The following UGT1A10 variants were observed in gnomAD, a reference collection of about 807,000 sequenced individuals.
UGT1A10 encodes the protein UDP-glucuronosyltransferase 1A10.
Under a neutral mutation model 45.8 loss-of-function variants are expected in UGT1A10, and 49 were observed. The ratio of observed to expected loss-of-function variants is 1.07; its 90% CI spans 0.85 to 1.36. The LOEUF (loss-of-function observed/expected upper bound fraction) is 1.36, where lower values mean the gene tolerates loss of function less well. UGT1A10 is among the 40% of genes most tolerant of loss of function. The pLI is 0.00. For synonymous variants in UGT1A10, 284 were observed against 249.7 expected (o/e 1.14, Z -1.29); for missense variants, 745 against 668.6 (o/e 1.11, Z -1.26).
At chr2:233,754,470 A>G in intron 1 of UGT1A10, 2 of 357,144 alleles carry the variant, frequency 5.6e-6, no homozygotes, top group South Asian at 2.2e-5. Context: ...TTCTGAAAGT[A>G]AAGTTCACTT....
At chr2:233,667,197 T>A (rs1417183023) in intron 1 of UGT1A10, among the ~76,000 whole-genome samples, 1 of 152,192 alleles carries the variant, frequency 6.6e-6, no homozygotes, top group Admixed American at 6.5e-5. Context: ...ATAGTATTTC[T>A]AGTTCTAGAT....
Position 233,687,479 on chromosome 2 carries a change from AT to A in UGT1A10, c.855+50107del, listed in dbSNP as rs998532501. On this transcript the variant is annotated intron_variant, in intron 1 of 4. Coordinates refer to ENST00000344644, the MANE Select transcript of UGT1A10 (RefSeq NM_019075.4). The stretch of plus-strand genomic sequence containing the variant: ...GGAAGCTGGCATTATTGGCAGACCT[AT>A]TTTTCAGATGATGAAACTGAGGCAC... Among the ~76,000 whole-genome samples, 107 of 150,260 alleles carry A rather than the reference AT, an allele frequency of 7.1e-4. 1 individual carries two copies. Among genetic ancestry groups the A allele is most frequent in the African/African-American group, 2.3e-3 (96 of 40,922 alleles).
At chr2:233,691,386 TG>T (rs761017193) in intron 1 of UGT1A10, 81 of 985,468 alleles carry the variant, frequency 8.2e-5, no homozygotes, top group Non-Finnish European at 9.6e-5. Flanking sequence ...ATGTTCCCCA[TG>T]GGGGCCAGCC....
chr2:233,639,574 A>T (rs931702676), intron 1 of UGT1A10, among the ~76,000 whole-genome samples: 1 of 152,174 alleles, frequency 6.6e-6, no homozygotes, highest in Admixed American at 6.6e-5. Context: ...GCATTACTTG[A>T]TGATAGAGTA....
At chr2:233,685,128 C>A (rs901416768) in intron 1 of UGT1A10, among the ~76,000 whole-genome samples, 2 of 152,126 alleles carry the variant, frequency 1.3e-5, no homozygotes, top group South Asian at 4.1e-4. Context: ...AGGTGAATTA[C>A]ATCCAGGGAT....
chr2:233,693,372 T>G (rs1266253057), intron 1 of UGT1A10: 3 of 1,614,178 alleles, frequency 1.9e-6, no homozygotes, highest in Non-Finnish European at 1.7e-6. Context: ...GGCCTGTACT[T>G]CATCAACTGC....
At position 233,664,764 on chromosome 2, in the gene UGT1A10, A is replaced by G. The variant is rs149123276; in HGVS notation, c.855+27387A>G. Reference sequence around the variant, plus strand: ...CCAACATTGGGTATCATATTTCAACATGAGATTTGGGTGGGGACAAATATC... The same window carrying G: ...CCAACATTGGGTATCATATTTCAACGTGAGATTTGGGTGGGGACAAATATC... On this transcript the variant is annotated intron_variant, in intron 1 of 4. Coordinates refer to ENST00000344644, the MANE Select transcript of UGT1A10 (RefSeq NM_019075.4). 2.6e-4 allele frequency among the ~76,000 whole-genome samples: 39 copies of G among 152,296 alleles called. 1 individual carries two copies. Among genetic ancestry groups the G allele is most frequent in the Middle Eastern group, 3.4e-3 (1 of 294 alleles).
At chr2:233,695,125 CTTTTCT>C (rs2075261912) in intron 1 of UGT1A10, among the ~76,000 whole-genome samples, 1 of 113,944 alleles carries the variant, frequency 8.8e-6, no homozygotes, top group East Asian at 2.1e-4. Flanking sequence ...CAACCCTTTT[CTTTTCT>C]TTTTTTTTTT....
chr2:233,690,751 G>C (rs1022399722), intron 1 of UGT1A10: 2 of 1,174,418 alleles, frequency 1.7e-6, no homozygotes, highest in Admixed American at 3.8e-5. Flanking sequence ...CTAGTGTCCA[G>C]TGCAGACATA....
intron 1 of UGT1A10, among the ~76,000 whole-genome samples, chr2:233,674,542 G>T (rs1489051089): frequency 6.6e-6 from 1 of 152,006 alleles, no homozygotes; most frequent in Non-Finnish European, 1.5e-5. Context: ...GGCCTTTAGA[G>T]ATATAAAAAC....
In UGT1A10 at chr2:233,745,466, G is replaced by A. The variant is rs190513469; in HGVS notation, c.856-21568G>A. On this transcript the variant is annotated intron_variant, in intron 1 of 4. Transcript: ENST00000344644. ...AGTAAAGGTCACTCAGTTCTAAGGG[G>A]AAAATGATTAACCAAAGAACATTCT... Among the ~76,000 whole-genome samples, 657 of 151,722 alleles carry A rather than the reference G, an allele frequency of 4.3e-3. 15 individuals carry two copies. Among genetic ancestry groups the A allele is most frequent in the Non-Finnish European group, 5.8e-3 (396 of 68,008 alleles).
At position 233,769,612 on chromosome 2, in the gene UGT1A10, G is replaced by A. The variant is rs1699905681; in HGVS notation, c.1295+1173G>A. ...GGAGACGGAACACGGGGACACACCA[G>A]CTTGAGCAAGGGACAACAGGGGAGG... On this transcript the variant is annotated intron_variant, in intron 4 of 4. Transcript: ENST00000344644. This position sits in a 1 kb window ranked among gnomAD's most constrained non-coding sequence, Gnocchi z 4.4. 1 of 1,612,734 alleles carries A rather than the reference G, an allele frequency of 6.2e-7. No homozygotes were observed. The highest frequency in any genetic ancestry group is 8.5e-7 in the Non-Finnish European group (1 of 1,179,852).
At chr2:233,647,992 C>G (rs2073645279) in intron 1 of UGT1A10, 1 of 1,607,592 alleles carries the variant, frequency 6.2e-7, no homozygotes, top group African/African-American at 1.3e-5. Flanking sequence ...TCTCAGGGGG[C>G]ATGAGGTGGT....
intron 1 of UGT1A10, among the ~76,000 whole-genome samples, chr2:233,708,924 G>A (rs907021830): frequency 1.3e-5 from 2 of 152,096 alleles, no homozygotes; most frequent in African/African-American, 4.8e-5. Context: ...TTGCTACAGA[G>A]CCAAACTATG....
At chr2:233,697,825 A>T (rs929296446) in intron 1 of UGT1A10, among the ~76,000 whole-genome samples, 4 of 152,164 alleles carry the variant, frequency 2.6e-5, no homozygotes, top group Admixed American at 1.3e-4. Context: ...ATTTCAAGAA[A>T]ATCTAATTAA....
At chr2:233,712,103 C>G (rs1277472248) in intron 1 of UGT1A10, among the ~76,000 whole-genome samples, 2 of 152,212 alleles carry the variant, frequency 1.3e-5, no homozygotes, top group Admixed American at 1.3e-4. Flanking sequence ...ACACTTCAGT[C>G]TCTAAGCAGA....
intron 1 of UGT1A10, among the ~76,000 whole-genome samples, chr2:233,737,056 C>T (rs372490869): frequency 3.3e-5 from 5 of 152,206 alleles, no homozygotes; most frequent in South Asian, 2.1e-4. Context: ...ACTAGGAGAA[C>T]GAGTGCTCTC....
chr2:233,700,685 T>C lies in UGT1A10; in HGVS notation c.855+63308T>C, dbSNP rs1275068404. On this transcript the variant is annotated intron_variant, in intron 1 of 4. Coordinates refer to ENST00000344644, the MANE Select transcript of UGT1A10 (RefSeq NM_019075.4). ...TTTTCAGCACAAATTCGTGATAATA[T>C]ATAAACTACACTTTGAATGTTTTTT... Among the ~76,000 whole-genome samples, 59 of 152,174 alleles carry C rather than the reference T, an allele frequency of 3.9e-4. 3 individuals are homozygous for C. Among genetic ancestry groups the C allele is most frequent in the Admixed American group, 3.9e-3 (59 of 15,284 alleles).
intron 1 of UGT1A10, among the ~76,000 whole-genome samples, chr2:233,694,715 G>A (rs544812822): frequency 6.6e-6 from 1 of 152,114 alleles, no homozygotes; most frequent in Admixed American, 6.6e-5. Flanking sequence ...TACACCTGCT[G>A]ATTTCTCTGT....
Sources: allele counts gnomAD v4.1 joint callset (sites outside exome capture counted in the v4.1 genomes callset), GRCh38; gene constraint gnomAD v4.1.1; non-coding constraint Gnocchi (gnomAD v3.1); transcripts MANE v1.5; gene names NCBI Gene and HGNC (gene_info 2026-07-23, HGNC 2026-07-21).